ARHGAP39: variants seen among roughly 807,000 people sequenced by gnomAD.
The protein encoded by ARHGAP39 is Rho GTPase activating protein 39.
A neutral mutation model predicts 106.9 loss-of-function variants in ARHGAP39; 44 were observed. That is an observed-to-expected ratio of 0.41 (90% CI 0.32 to 0.53). The LOEUF (loss-of-function observed/expected upper bound fraction) is 0.53. Ranked by LOEUF, ARHGAP39 falls within the 20% of genes least tolerant of loss-of-function variation. The pLI is 0.21. For synonymous variants in ARHGAP39, 768 were observed against 693.2 expected, an observed-to-expected ratio of 1.11 and a Z score of -1.69; for missense variants, 1,496 against 1,577.3, an observed-to-expected ratio of 0.95 and a Z score of 0.87.
chr8:144,563,819 A>C (rs1280576410), intron 3 of ARHGAP39, among the ~76,000 whole-genome samples: 2 of 151,982 alleles, frequency 1.3e-5, no homozygotes, highest in African/African-American at 4.8e-5. Flanking sequence ...TAAATAAATA[A>C]ATAAGTGCAC....
intron 1 of ARHGAP39, among the ~76,000 whole-genome samples, chr8:144,635,497 A>G (rs1441538632): frequency 6.6e-6 from 1 of 152,188 alleles, no homozygotes; most frequent in Non-Finnish European, 1.5e-5. Context: ...AATATCCTCC[A>G]TGATAAACAT....
intron 2 of ARHGAP39, among the ~76,000 whole-genome samples, chr8:144,594,584 C>T (rs139093043): frequency 2.0e-5 from 3 of 151,856 alleles, no homozygotes; most frequent in Non-Finnish European, 4.4e-5. Context: ...ATCCTAGCTA[C>T]TCGGGAGGCT....
Position 144,667,723 on chromosome 8 carries a change from C to T in ARHGAP39, c.-82+17963G>A, listed in dbSNP as rs368432879. ...TGGCTCCGCCTACTAGTTGTGTGAC[C>T]CTGGTGGGTCACAGCCCTCTCCAAC... is the stretch of plus-strand genomic sequence containing the variant. On this transcript the variant is annotated intron_variant, in intron 1 of 11. Transcript: ENST00000377307. 3.9e-5 allele frequency among the ~76,000 whole-genome samples: 6 copies of T among 152,170 alleles called. No homozygotes were observed. In the East Asian group the frequency reaches 1.2e-3, roughly 29 times the overall value.
At chr8:144,697,676 G>A in the ARHGAP39 span, among the ~76,000 whole-genome samples, 3 of 152,086 alleles carry the variant, frequency 2.0e-5, no homozygotes, top group East Asian at 5.8e-4. Context: ...ATTTTTAGTA[G>A]AGACAGGGTT....
chr8:144,659,688 C>T (rs1327892336), intron 1 of ARHGAP39, among the ~76,000 whole-genome samples: 5 of 152,184 alleles, frequency 3.3e-5, no homozygotes, highest in East Asian at 1.9e-4. Flanking sequence ...TTGGCTTATT[C>T]GCTGGTTCTG....
At chr8:144,672,892 C>G (rs182801294) in intron 1 of ARHGAP39, among the ~76,000 whole-genome samples, 11 of 152,248 alleles carry the variant, frequency 7.2e-5, no homozygotes, top group Admixed American at 4.6e-4. Flanking sequence ...TGCACGGAGA[C>G]CAGTGTAGCA....
intron 1 of ARHGAP39, among the ~76,000 whole-genome samples, chr8:144,673,326 G>A: frequency 6.6e-6 from 1 of 152,018 alleles, no homozygotes; most frequent in East Asian, 1.9e-4. Context: ...GCAGCCTTCT[G>A]ACTCTCACCT....
At chr8:144,551,987 C>T (rs1817710530) in intron 4 of ARHGAP39, among the ~76,000 whole-genome samples, 2 of 152,224 alleles carry the variant, frequency 1.3e-5, no homozygotes, top group African/African-American at 4.8e-5. Flanking sequence ...TCCTCCTCAC[C>T]CTCCCAAATT....
At chr8:144,665,444 T>A (rs1821939608) in intron 1 of ARHGAP39, among the ~76,000 whole-genome samples, 1 of 152,074 alleles carries the variant, frequency 6.6e-6, no homozygotes, top group African/African-American at 2.4e-5. Flanking sequence ...ACGGGGAAAA[T>A]GTCGCCAGGC....
rs1186394067 is a variant in ARHGAP39, at chr8:144,644,679, C to T, written c.-81-38984G>A. On this transcript the variant is annotated intron_variant, in intron 1 of 11. Transcript: ENST00000377307. This position sits in a 1 kb window ranked among gnomAD's most constrained non-coding sequence, Gnocchi z 4.8. ...TTCTCTCACTACAGGCCCTTGGGAG[C>T]AGTGCAGTCTGCAGGACTTCATCAT... Among the ~76,000 whole-genome samples the T allele has an allele frequency of 6.6e-6, 1 of 152,204 alleles. No homozygotes were observed. The highest frequency in any genetic ancestry group is 1.5e-5 in the Non-Finnish European group (1 of 68,034).
At chr8:144,531,250 C>G (rs796892698) in intron 10 of ARHGAP39, among the ~76,000 whole-genome samples, 19,608 of 63,244 alleles carry the variant, frequency 0.31, 2,608 homozygotes, top group Non-Finnish European at 0.4. Flanking sequence ...CACAGGGCAG[C>G]GAGCAGCAGG....
intron 1 of ARHGAP39, among the ~76,000 whole-genome samples, chr8:144,619,616 G>T (rs923007011): frequency 6.7e-6 from 1 of 150,272 alleles, no homozygotes; most frequent in East Asian, 1.9e-4. Context: ...GCATGTCCGT[G>T]TGTGAGCCTG....
At chr8:144,564,610 G>A (rs1383462953) in intron 3 of ARHGAP39, among the ~76,000 whole-genome samples, 1 of 152,178 alleles carries the variant, frequency 6.6e-6, no homozygotes, top group African/African-American at 2.4e-5. Flanking sequence ...GACTGAACAT[G>A]TTAAGTAGAG....
chr8:144,688,509 G>C (rs1470470941), upstream of ARHGAP39, among the ~76,000 whole-genome samples: 1 of 152,222 alleles, frequency 6.6e-6, no homozygotes, highest in East Asian at 1.9e-4. Flanking sequence ...CGTTTTTCCA[G>C]GCTAAGGTGG....
At chr8:144,536,294 G>A (rs570887927) in intron 7 of ARHGAP39, among the ~76,000 whole-genome samples, 4 of 152,066 alleles carry the variant, frequency 2.6e-5, no homozygotes, top group African/African-American at 7.2e-5. Flanking sequence ...GGCCTGCCCC[G>A]GGGACCTTAG....
rs1586865110 is a variant in ARHGAP39, at chr8:144,530,225, C to G, written c.*197G>C. ...TGAGGTGGGGGGCCAGAGGCGCCCTCCCCGCCGCTGCTGTGCCCTGGCTGC... is the reference window on the plus strand; with the variant it reads ...TGAGGTGGGGGGCCAGAGGCGCCCTGCCCGCCGCTGCTGTGCCCTGGCTGC... On this transcript the variant is annotated 3_prime_UTR_variant, in exon 12 of 12. Transcript: ENST00000377307. 4.9e-6 allele frequency: 3 copies of G among 618,298 alleles called. No individual in the cohort carries two copies. Among genetic ancestry groups the G allele is most frequent in the Admixed American group, 3.2e-5 (1 of 31,572 alleles). 38.3% of individuals were successfully genotyped at this position (618,298 alleles called of 1,614,324 possible). A position where few individuals can be genotyped will look rare whatever the true frequency, so the allele number is the denominator to read the frequency against.
chr8:144,599,377 G>A (rs1457869031), intron 2 of ARHGAP39, among the ~76,000 whole-genome samples: 1 of 152,072 alleles, frequency 6.6e-6, no homozygotes, highest in Non-Finnish European at 1.5e-5. Context: ...TGTTTTAAGT[G>A]GAAAAAGCAA....
At chr8:144,667,581 A>G (rs911893839) in intron 1 of ARHGAP39, among the ~76,000 whole-genome samples, 1 of 152,188 alleles carries the variant, frequency 6.6e-6, no homozygotes, top group East Asian at 1.9e-4. Flanking sequence ...TGTGTACACT[A>G]AGTCTCAATA....
chr8:144,611,462 A>G (rs1239453774), intron 1 of ARHGAP39, among the ~76,000 whole-genome samples: 2 of 152,140 alleles, frequency 1.3e-5, no homozygotes, highest in African/African-American at 4.8e-5. Flanking sequence ...CCCAACTACA[A>G]CTGTGGATTT....
Sources: allele counts gnomAD v4.1 joint callset (sites outside exome capture counted in the v4.1 genomes callset), GRCh38; gene constraint gnomAD v4.1.1; non-coding constraint Gnocchi (gnomAD v3.1); transcripts MANE v1.5; gene names NCBI Gene and HGNC (gene_info 2026-07-23, HGNC 2026-07-21).